The following ATG7 variants were observed in gnomAD, a reference collection of about 807,000 sequenced individuals.
The protein encoded by ATG7 is autophagy related 7, also known as ubiquitin-like modifier-activating enzyme ATG7.
ATG7 carries 70 observed loss-of-function variants against 82.4 expected under a neutral mutation model. The observed-to-expected ratio is 0.85, with a 90% CI of 0.70 to 1.04. The LOEUF is 1.04. ATG7 is among the 50% of genes least tolerant of loss of function. ATG7 has a pLI of 0.00. For synonymous variants in ATG7, 287 were observed against 313.0 expected, an observed-to-expected ratio of 0.92 and a Z score of 0.88; for missense variants, 792 against 864.3, an observed-to-expected ratio of 0.92 and a Z score of 1.05.
chr3:11,392,936 G>T (rs2078937320), intron 19 of ATG7, among the ~76,000 whole-genome samples: 1 of 152,196 alleles, frequency 6.6e-6, no homozygotes, highest in African/African-American at 2.4e-5. Context: ...AGGCACAAAA[G>T]TTAGTCATTC....
At position 11,311,413 on chromosome 3, in the gene ATG7, G is replaced by A. The variant is rs144058496; in HGVS notation, c.412-1891G>A. Among the ~76,000 whole-genome samples the A allele has an allele frequency of 4.0e-3, 605 of 151,952 alleles. 5 individuals carry two copies. The highest frequency in any genetic ancestry group is 0.014 in the African/African-American group (571 of 41,432). On this transcript the variant is annotated intron_variant, in intron 7 of 20. Coordinates refer to ENST00000693202, the MANE Select transcript of ATG7 (RefSeq NM_001349232.2). Reference sequence around the variant, plus strand: ...GAGCTCAGGAGTTTGAGACCAGCTTGGGCAACATAGTTAAACCCCGTATCT... The same window carrying A: ...GAGCTCAGGAGTTTGAGACCAGCTTAGGCAACATAGTTAAACCCCGTATCT...
intron 20 of ATG7, among the ~76,000 whole-genome samples, chr3:11,511,692 G>T (rs577112083): frequency 3.5e-4 from 53 of 152,320 alleles, no homozygotes; most frequent in South Asian, 3.3e-3. Flanking sequence ...GCCCATGGCG[G>T]GGGTGGGAGG....
chr3:11,516,193 A>G (rs772025882), intron 20 of ATG7, among the ~76,000 whole-genome samples: 1 of 152,184 alleles, frequency 6.6e-6, no homozygotes, highest in Non-Finnish European at 1.5e-5. Flanking sequence ...AAATAAACAC[A>G]TGAAAAGATG....
At chr3:11,454,230 C>CATCCCATGTTTTTCTG (rs2085478792) in intron 20 of ATG7, among the ~76,000 whole-genome samples, 1 of 152,176 alleles carries the variant, frequency 6.6e-6, no homozygotes, top group African/African-American at 2.4e-5. Context: ...GTCTCACTCT[C>CATCCCATGTTTTTCTG]ATCCCATGTT....
At chr3:11,408,695 G>A (rs768644247) in intron 19 of ATG7, among the ~76,000 whole-genome samples, 11 of 152,116 alleles carry the variant, frequency 7.2e-5, no homozygotes, top group Non-Finnish European at 1.6e-4. Context: ...ACAGGGGAAC[G>A]CCTCGTTAAA....
At chr3:11,361,067 A>G (rs1003930770) in intron 16 of ATG7, among the ~76,000 whole-genome samples, 15 of 152,122 alleles carry the variant, frequency 9.9e-5, no homozygotes, top group African/African-American at 3.4e-4. Flanking sequence ...AGCACTCCGT[A>G]TTGTCTCCGG....
At chr3:11,563,348 A>G in the ATG7 span, among the ~76,000 whole-genome samples, 1 of 152,214 alleles carries the variant, frequency 6.6e-6, no homozygotes, top group Non-Finnish European at 1.5e-5. Flanking sequence ...CAGCATTACA[A>G]TGCCTGTTGA....
chr3:11,427,076 G>GA, intron 20 of ATG7, 150 bp downstream of exon 20: 1 of 1,064,754 alleles, frequency 9.4e-7, no homozygotes, highest in Non-Finnish European at 1.3e-6. Flanking sequence ...ACCAGAGAAC[G>GA]AATAACCCTC....
At chr3:11,336,319 TCA>T (rs1260931862) in intron 11 of ATG7, among the ~76,000 whole-genome samples, 3 of 151,962 alleles carry the variant, frequency 2.0e-5, no homozygotes, top group Non-Finnish European at 2.9e-5. Context: ...CAGGCGTGAG[TCA>T]CACGTCCAGC....
intron 20 of ATG7, among the ~76,000 whole-genome samples, chr3:11,487,076 C>T (rs2089766769): frequency 6.6e-6 from 1 of 150,436 alleles, no homozygotes; most frequent in Non-Finnish European, 1.5e-5. Flanking sequence ...TTTAACAAAG[C>T]ACATCTTGCA....
At chr3:11,470,122 A>C (rs1232562946) in intron 20 of ATG7, among the ~76,000 whole-genome samples, 1 of 152,266 alleles carries the variant, frequency 6.6e-6, no homozygotes, top group East Asian at 1.9e-4. Flanking sequence ...AATCCCTGGC[A>C]AGTGAAAAGC....
intron 9 of ATG7, among the ~76,000 whole-genome samples, chr3:11,326,752 G>A (rs907070060): frequency 2.6e-5 from 4 of 152,300 alleles, no homozygotes; most frequent in African/African-American, 4.8e-5. Flanking sequence ...CAGGTGGGGT[G>A]GCCACATGGA....
chr3:11,415,365 A>C (rs1014037262), intron 19 of ATG7, among the ~76,000 whole-genome samples: 12 of 152,290 alleles, frequency 7.9e-5, no homozygotes, highest in African/African-American at 2.6e-4. Flanking sequence ...CACTAAACTT[A>C]AAAAATATTT....
At chr3:11,575,003 GC>G in the ATG7 span, among the ~76,000 whole-genome samples, 2,576 of 152,208 alleles carry the variant, frequency 0.017, 78 homozygotes, top group African/African-American at 0.058. Context: ...AAAGAATAAA[GC>G]CGCAGATCTT....
chr3:11,288,919 C>G (rs1004630133), intron 3 of ATG7, among the ~76,000 whole-genome samples: 2 of 152,186 alleles, frequency 1.3e-5, no homozygotes, highest in African/African-American at 4.8e-5. Flanking sequence ...AACTTCTTGG[C>G]TACTGCAGGC....
intron 20 of ATG7, among the ~76,000 whole-genome samples, chr3:11,490,418 T>C (rs919745808): frequency 1.3e-5 from 2 of 152,250 alleles, no homozygotes; most frequent in African/African-American, 4.8e-5. Context: ...GTCTTGACTC[T>C]TTATCCAGTT....
At chr3:11,282,749 C>A (rs181784870) in intron 3 of ATG7, among the ~76,000 whole-genome samples, 1 of 152,164 alleles carries the variant, frequency 6.6e-6, no homozygotes, top group South Asian at 2.1e-4. Flanking sequence ...TTAAACCTCC[C>A]TCTTTAACAG....
rs570171581 is a variant in ATG7, at chr3:11,315,244, T to G, written c.529-100T>G. The G allele has an allele frequency of 1.3e-5, 14 of 1,108,794 alleles. No individual in the cohort carries two copies. The African/African-American group carries it at 2.1e-4, about 16-fold the overall frequency. The allele number at this position is 1,108,794 out of a possible 1,614,324, so 68.7% of individuals were successfully genotyped here. A position where few individuals can be genotyped will look rare whatever the true frequency, so the allele number is the denominator to read the frequency against. On this transcript the variant is annotated intron_variant, in intron 8 of 20. Transcript: ENST00000693202. The stretch of plus-strand genomic sequence containing the variant: ...TAAGAGGAGTGTGATCAGTCATTTC[T>G]AGTCTTCTGGTTTTAAGGTACCTTT...
intron 14 of ATG7, among the ~76,000 whole-genome samples, chr3:11,353,306 G>A (rs931141780): frequency 1.2e-4 from 18 of 152,178 alleles, no homozygotes; most frequent in East Asian, 3.9e-4. Context: ...TTAGCTGAGT[G>A]TGGTGGCGTG....
Sources: allele counts gnomAD v4.1 joint callset (sites outside exome capture counted in the v4.1 genomes callset), GRCh38; gene constraint gnomAD v4.1.1; transcripts MANE v1.5; gene names NCBI Gene and HGNC (gene_info 2026-07-23, HGNC 2026-07-21).